Variants in MGST1 observed in about 807,000 individuals in gnomAD.
MGST1 encodes the protein glutathione S-transferase 12.
MGST1 carries 5 observed loss-of-function variants against 8.9 expected under a neutral mutation model. The observed-to-expected ratio is 0.56, with a 90% CI of 0.29 to 1.19. The LOEUF (loss-of-function observed/expected upper bound fraction) is 1.19. MGST1 is among the 50% of genes most tolerant of loss of function. The pLI, the probability that MGST1 is intolerant of heterozygous loss-of-function variation, is 0.08. For synonymous variants in MGST1, 54 were observed against 67.8 expected (o/e 0.80, Z 1.00); for missense variants, 182 against 187.4 (o/e 0.97, Z 0.17).
chr12:16,423,133 T>C (rs906163441), intron 1 of MGST1, among the ~76,000 whole-genome samples: 1 of 152,212 alleles, frequency 6.6e-6, no homozygotes, highest in Non-Finnish European at 1.5e-5. Context: ...CTCATCTTAC[T>C]TTTTTCATTT....
At chr12:16,375,554 G>A (rs1940366158) in intron 3 of MGST1, among the ~76,000 whole-genome samples, 1 of 151,934 alleles carries the variant, frequency 6.6e-6, no homozygotes, top group African/African-American at 2.4e-5. Flanking sequence ...ATTATTATTG[G>A]TAGTAGTGTT....
intron 4 of MGST1, among the ~76,000 whole-genome samples, chr12:16,543,604 T>C (rs765810250): frequency 1.4e-4 from 21 of 151,914 alleles, no homozygotes; most frequent in Non-Finnish European, 2.8e-4. Flanking sequence ...TTATGTTAAA[T>C]GCTTGCCTTA....
chr12:16,453,087 T>C (rs1218494516), intron 4 of MGST1, among the ~76,000 whole-genome samples: 1 of 151,924 alleles, frequency 6.6e-6, no homozygotes, highest in East Asian at 1.9e-4. Context: ...AGTAGTCTTA[T>C]AAGAAAAACA....
intron 4 of MGST1, among the ~76,000 whole-genome samples, chr12:16,521,551 TAC>T (rs1049919630): frequency 1.3e-5 from 2 of 152,086 alleles, no homozygotes; most frequent in Non-Finnish European, 2.9e-5. Context: ...TAAATTTAAC[TAC>T]AGAGTTCAGC....
upstream of MGST1, chr12:16,347,630 G>C (rs9332876): frequency 0.063 from 9,615 of 152,314 alleles, 362 homozygotes; most frequent in African/African-American, 0.1. This position sits in a 1 kb window ranked among gnomAD's most constrained non-coding sequence, Gnocchi z 4.0. Flanking sequence ...GCCTGCGTCC[G>C]GCCCGCGCGG....
At chr12:16,550,524 A>C (rs568347674) in intron 4 of MGST1, 40 of 152,532 alleles carry the variant, frequency 2.6e-4, no homozygotes, top group African/African-American at 9.6e-4. Flanking sequence ...CGTTGGTATA[A>C]AATGAAAGTG....
At chr12:16,349,038 T>C (rs1489379188) in intron 1 of MGST1, 1 of 152,124 alleles carries the variant, frequency 6.6e-6, no homozygotes, top group Non-Finnish European at 1.5e-5. Context: ...GACCACATAG[T>C]GGGCTGAGTC....
Position 16,560,401 on chromosome 12 carries a change from AGAC to A in MGST1, n.483-29126_483-29124del, listed in dbSNP as rs1216838534. ...TAACCATTTCTTAGAGACCAAAAAG[AGAC>A]CTGCTTACCTCTGATTACAAAGCTG... On this transcript the variant is annotated intron_variant and non_coding_transcript_variant, in intron 4 of 4. Coordinates refer to the MGST1 transcript ENST00000538857. The surrounding 1 kb of genome is among the most constrained non-coding windows in gnomAD (Gnocchi z 5.0). 6.2e-7 allele frequency: 1 copy of A among 1,610,194 alleles called. No individual in the cohort carries two copies. Among genetic ancestry groups the A allele is most frequent in the African/African-American group, 1.3e-5 (1 of 74,712 alleles).
chr12:16,411,913 G>A (rs957150425), intron 1 of MGST1, among the ~76,000 whole-genome samples: 3 of 152,126 alleles, frequency 2.0e-5, no homozygotes, highest in Non-Finnish European at 2.9e-5. Flanking sequence ...CTCTACACCC[G>A]AGGTGACTTG....
At chr12:16,350,900 A>C (rs1046333896) in intron 1 of MGST1, 4 of 152,152 alleles carry the variant, frequency 2.6e-5, no homozygotes, top group African/African-American at 9.7e-5. Flanking sequence ...TGAAGTGCAC[A>C]GTGTGTTGTT....
At chr12:16,426,833 G>A (rs550876780) in intron 1 of MGST1, among the ~76,000 whole-genome samples, 13 of 151,908 alleles carry the variant, frequency 8.6e-5, no homozygotes, top group South Asian at 4.2e-4. Context: ...TTAGCCGGGC[G>A]TGATGGCCGG....
At chr12:16,566,629 ATTAT>A (rs1591786873) in intron 4 of MGST1, among the ~76,000 whole-genome samples, 1 of 152,240 alleles carries the variant, frequency 6.6e-6, no homozygotes, top group South Asian at 2.1e-4. Flanking sequence ...AACCTTAGAG[ATTAT>A]TTATTTCATA....
intron 4 of MGST1, among the ~76,000 whole-genome samples, chr12:16,552,933 T>TC (rs762148544): frequency 7.0e-6 from 1 of 143,166 alleles, no homozygotes; most frequent in Non-Finnish European, 1.6e-5. Flanking sequence ...ACCAGTAGGG[T>TC]CCAAACTCTA....
chr12:16,581,028 A>T (rs1178094969), intron 4 of MGST1, among the ~76,000 whole-genome samples: 1 of 152,194 alleles, frequency 6.6e-6, no homozygotes, highest in East Asian at 1.9e-4. Context: ...GCAGCCACTA[A>T]CAAATTTTTT....
intron 1 of MGST1, among the ~76,000 whole-genome samples, chr12:16,431,251 T>C (rs979440436): frequency 6.6e-6 from 1 of 152,218 alleles, no homozygotes; most frequent in Admixed American, 6.5e-5. Context: ...ACTTTCTCCA[T>C]ATCAGCAATT....
At chr12:16,564,460 G>A (rs374258114) in intron 4 of MGST1, among the ~76,000 whole-genome samples, 2 of 152,186 alleles carry the variant, frequency 1.3e-5, no homozygotes, top group African/African-American at 4.8e-5. Context: ...CTGCGGACTG[G>A]GGGTAGGGAA....
At chr12:16,399,571 C>T in intron 1 of MGST1, 1 of 1,596,242 alleles carries the variant, frequency 6.3e-7, no homozygotes, top group South Asian at 1.1e-5. Context: ...TCTTCATAGT[C>T]ATCTTCTGAA....
intron 1 of MGST1, among the ~76,000 whole-genome samples, chr12:16,394,309 G>A (rs1940579620): frequency 6.6e-6 from 1 of 151,374 alleles, no homozygotes; most frequent in Non-Finnish European, 1.5e-5. Context: ...TTGCCTTTTG[G>A]AAATGTTCAT....
chr12:16,479,107 C>T (rs868368155), intron 4 of MGST1, among the ~76,000 whole-genome samples: 2 of 151,868 alleles, frequency 1.3e-5, no homozygotes, highest in Admixed American at 6.6e-5. Context: ...GGTTCATCTA[C>T]AGTATAGTAT....
Sources: allele counts gnomAD v4.1 joint callset (sites outside exome capture counted in the v4.1 genomes callset), GRCh38; gene constraint gnomAD v4.1.1; non-coding constraint Gnocchi (gnomAD v3.1); transcripts MANE v1.5; gene names NCBI Gene and HGNC (gene_info 2026-07-23, HGNC 2026-07-21).